FGF13: variants seen among roughly 807,000 people sequenced by gnomAD.
The protein encoded by FGF13 is fibroblast growth factor 13.
FGF13 carries 2 observed loss-of-function variants against 19.5 expected under a neutral mutation model. The observed-to-expected ratio is 0.10, with a 90% CI of 0.04 to 0.32. The LOEUF is 0.32. Ranked by LOEUF, FGF13 falls within the 10% of genes least tolerant of loss-of-function variation. The pLI is 1.00. For synonymous variants in FGF13, 72 were observed against 76.9 expected (o/e 0.94, Z 0.33); for missense variants, 113 against 192.7 (o/e 0.59, Z 2.45).
intron 1 of FGF13, among the ~76,000 whole-genome samples, chrX:139,039,728 T>G (rs2092262891): frequency 9.0e-6 from 1 of 111,074 alleles, no homozygotes; most frequent in Admixed American, 9.6e-5. Flanking sequence ...AAGTCATGGA[T>G]ATTGTTTTTT....
At chrX:138,971,852 C>A (rs898005888) in intron 1 of FGF13, among the ~76,000 whole-genome samples, 1 of 111,600 alleles carries the variant, frequency 9.0e-6, no homozygotes. Context: ...CAACCTCTCC[C>A]CAGTAGTGGT....
At chrX:139,070,337 C>T (rs2092372613) in intron 1 of FGF13, among the ~76,000 whole-genome samples, 1 of 112,143 alleles carries the variant, frequency 8.9e-6, no homozygotes, top group Non-Finnish European at 1.9e-5. Context: ...ACAGACAATT[C>T]TCAAAAGAAG....
chrX:138,853,215 C>T (rs760061523), downstream of FGF13, among the ~76,000 whole-genome samples: 2 of 111,559 alleles, frequency 1.8e-5, no homozygotes, highest in South Asian at 7.5e-4. Flanking sequence ...ACACATTTTT[C>T]TCGAAAGGAA....
intron 1 of FGF13, among the ~76,000 whole-genome samples, chrX:139,141,884 T>C (rs1374824455): frequency 8.9e-6 from 1 of 112,200 alleles, no homozygotes; most frequent in Non-Finnish European, 1.9e-5. Context: ...TAAGGGCAAG[T>C]GCCTTATAAT....
chrX:138,796,629 T>A (rs2090780517), intron 3 of FGF13, among the ~76,000 whole-genome samples: 1 of 111,951 alleles, frequency 8.9e-6, no homozygotes, highest in Non-Finnish European at 1.9e-5. Context: ...TGGTTCTAGA[T>A]CCTTGAGGAG....
At chrX:139,170,649 C>G (rs2084125104) in intron 1 of FGF13, among the ~76,000 whole-genome samples, 1 of 111,645 alleles carries the variant, frequency 9.0e-6, no homozygotes, top group African/African-American at 3.3e-5. Context: ...CTTGACGATG[C>G]TCCAGCTTTC....
chrX:139,180,141 T>C (rs1187917863), intron 1 of FGF13, among the ~76,000 whole-genome samples: 2 of 112,490 alleles, frequency 1.8e-5, no homozygotes, highest in Non-Finnish European at 3.8e-5. Flanking sequence ...GCTTTTATCA[T>C]AAAGCCTTCC....
At chrX:138,867,782 A>AATCTATCTATCTATCT (rs11461039) in intron 1 of FGF13, among the ~76,000 whole-genome samples, 46 of 94,482 alleles carry the variant, frequency 4.9e-4, no homozygotes, top group East Asian at 1.1e-3. Context: ...ACTGTCTCTA[A>AATCTATCTATCTATCT]ATCTATCTAT....
rs2083979531 is a variant in FGF13 at position 139,156,611 on chromosome X, T to A, written c.-113+46805A>T. Among the ~76,000 whole-genome samples, 6 of 112,299 alleles carry A rather than the reference T, an allele frequency of 5.3e-5. No homozygotes were observed. The Admixed American group carries it at 5.6e-4, about 11-fold the overall frequency. ...CGCTCAACCTTAAAGCCCACAGGCTTAAGTCGTTCTCCAACTTCAGTATGC... is the reference window on the plus strand; with the variant it reads ...CGCTCAACCTTAAAGCCCACAGGCTAAAGTCGTTCTCCAACTTCAGTATGC... On this transcript the variant is annotated intron_variant, in intron 1 of 2. Coordinates refer to the FGF13 transcript ENST00000421460.
chrX:138,857,966 G>A (rs1161604384), intron 2 of FGF13, among the ~76,000 whole-genome samples: 3 of 112,256 alleles, frequency 2.7e-5, no homozygotes, highest in Non-Finnish European at 5.6e-5. Flanking sequence ...GGATGCTCAT[G>A]TTGTATCTAA....
At chrX:138,747,762 G>A (rs1344292345) in intron 3 of FGF13, among the ~76,000 whole-genome samples, 2 of 111,332 alleles carry the variant, frequency 1.8e-5, no homozygotes, top group Non-Finnish European at 3.8e-5. Flanking sequence ...TCTATCAGAT[G>A]GCCAGAGCGG....
intron 1 of FGF13, among the ~76,000 whole-genome samples, chrX:139,067,999 A>C: frequency 1.9e-5 from 2 of 102,865 alleles, no homozygotes; most frequent in Middle Eastern, 9.5e-3. Flanking sequence ...ATTAGATCCC[A>C]TTTGTCAATT....
At chrX:138,738,570 G>A (rs778342358) in intron 1 of FGF13, among the ~76,000 whole-genome samples, 2 of 111,723 alleles carry the variant, frequency 1.8e-5, no homozygotes, top group East Asian at 2.9e-4. Context: ...GTTTTTCTCC[G>A]TGAGCTGGAA....
intron 1 of FGF13, among the ~76,000 whole-genome samples, chrX:139,005,288 T>G (rs1048338608): frequency 2.8e-5 from 3 of 107,083 alleles, no homozygotes; most frequent in African/African-American, 1.0e-4. Context: ...AGTTTTTGTT[T>G]AATAATCCAA....
chrX:138,797,004 T>C (rs1368289432), intron 3 of FGF13, among the ~76,000 whole-genome samples: 1 of 111,899 alleles, frequency 8.9e-6, no homozygotes, highest in Non-Finnish European at 1.9e-5. Context: ...ATTCTGTAGG[T>C]TGCCTGTTCA....
At chrX:138,946,219 T>C (rs1306198722) in intron 1 of FGF13, among the ~76,000 whole-genome samples, 2 of 111,678 alleles carry the variant, frequency 1.8e-5, no homozygotes, top group African/African-American at 3.2e-5. Context: ...ACATGATTGA[T>C]TTCCAATAAA....
Position 138,719,491 on chromosome X carries a change from G to A in FGF13, c.29-10563C>T, listed in dbSNP as rs143517649. Reference sequence around the variant, plus strand: ...TTGACTCAGGTAATCTGGGACTTTGGAATGCTATGAGACCCAAAGGACACT... The same window carrying A: ...TTGACTCAGGTAATCTGGGACTTTGAAATGCTATGAGACCCAAAGGACACT... On this transcript the variant is annotated intron_variant, in intron 1 of 4. Coordinates refer to the FGF13 transcript ENST00000305414. 5.3e-4 allele frequency among the ~76,000 whole-genome samples: 59 copies of A among 111,636 alleles called. No homozygotes were observed. The East Asian group carries it at 0.016, about 30-fold the overall frequency.
At chrX:138,647,579 G>A (rs932133258) in intron 3 of FGF13, among the ~76,000 whole-genome samples, 1 of 111,844 alleles carries the variant, frequency 8.9e-6, no homozygotes, top group African/African-American at 3.2e-5. Flanking sequence ...TGAGCCCCTA[G>A]TAGCTTAAAT....
At chrX:138,873,021 TAGAC>T (rs1393489328) in intron 1 of FGF13, among the ~76,000 whole-genome samples, 2 of 110,920 alleles carry the variant, frequency 1.8e-5, no homozygotes, top group Non-Finnish European at 3.8e-5. Flanking sequence ...GTTTGCAACT[TAGAC>T]AGGGGGAGAA....
Sources: gnomAD v4.1 joint callset for allele counts (sites outside exome capture counted in the v4.1 genomes callset) on GRCh38, gnomAD v4.1.1 for gene constraint, MANE v1.5 for transcripts, NCBI Gene and HGNC (gene_info 2026-07-23, HGNC 2026-07-21) for gene names.